The following PTPRD variants were observed in gnomAD, a reference collection of about 807,000 sequenced individuals.
The protein encoded by PTPRD is protein tyrosine phosphatase receptor type D, also known as receptor-type tyrosine-protein phosphatase delta.
In PTPRD, 34 loss-of-function variants were observed where a neutral mutation model predicts 214.5. The ratio of observed to expected loss-of-function variants is 0.16; its 90% CI spans 0.12 to 0.21. The LOEUF (loss-of-function observed/expected upper bound fraction) is 0.21, where lower values mean the gene tolerates loss of function less well. Among genes scored for constraint, PTPRD ranks in the 10% least tolerant of loss-of-function variants. The pLI is 1.00. For missense variants in PTPRD, 2,545 were observed against 2,398.7 expected, an observed-to-expected ratio of 1.06 and a Z score of -1.27; for synonymous variants, 1,128 against 845.7, an observed-to-expected ratio of 1.33 and a Z score of -5.79.
At chr9:9,972,241 G>C (rs6477431) in intron 4 of PTPRD, among the ~76,000 whole-genome samples, 1 of 151,848 alleles carries the variant, frequency 6.6e-6, no homozygotes, top group South Asian at 2.1e-4. Flanking sequence ...ACATTAAATA[G>C]CAAACATACA....
At chr9:9,620,867 A>G (rs79379347) in intron 7 of PTPRD, among the ~76,000 whole-genome samples, 3 of 42,804 alleles carry the variant, frequency 7.0e-5, no homozygotes, top group African/African-American at 2.8e-4. Flanking sequence ...AAGAGAGGAG[A>G]AAAAAAAAAA....
chr9:8,776,094 C>T (rs1419601511), intron 11 of PTPRD, among the ~76,000 whole-genome samples: 1 of 152,088 alleles, frequency 6.6e-6, no homozygotes, highest in East Asian at 1.9e-4. Flanking sequence ...CAAATGTTCC[C>T]AGAGACTATC....
chr9:10,374,312 TATTTG>T (rs1186404388), intron 2 of PTPRD, among the ~76,000 whole-genome samples: 1 of 152,086 alleles, frequency 6.6e-6, no homozygotes, highest in African/African-American at 2.4e-5. Flanking sequence ...ATTATAATTG[TATTTG>T]ATTTAAGTGA....
intron 5 of PTPRD, among the ~76,000 whole-genome samples, chr9:9,790,521 T>TA (rs1341671045): frequency 6.6e-6 from 1 of 152,240 alleles, no homozygotes; most frequent in African/African-American, 2.4e-5. Context: ...AAATGTTTTG[T>TA]AAGTTATTCT....
At chr9:9,743,476 C>A (rs556283193) in intron 6 of PTPRD, among the ~76,000 whole-genome samples, 14 of 152,146 alleles carry the variant, frequency 9.2e-5, no homozygotes, top group African/African-American at 3.4e-4. Context: ...CCTAGGTCAG[C>A]GCTTGTACTC....
At chr9:9,490,064 T>C (rs997252288) in intron 8 of PTPRD, among the ~76,000 whole-genome samples, 1 of 152,112 alleles carries the variant, frequency 6.6e-6, no homozygotes, top group Admixed American at 6.6e-5. Context: ...TGCAAATTTC[T>C]TATCAAAAAC....
chr9:9,623,549 G>A (rs558361364), intron 7 of PTPRD, among the ~76,000 whole-genome samples: 74 of 152,180 alleles, frequency 4.9e-4, no homozygotes, highest in African/African-American at 1.8e-3. Context: ...CCCCTTTCTA[G>A]TAACACCTTT....
chr9:8,359,123 CA>C (rs1313543699), intron 39 of PTPRD, among the ~76,000 whole-genome samples: 3 of 14,266 alleles, frequency 2.1e-4, no homozygotes, highest in South Asian at 2.7e-3. Context: ...AAAAAAAAAA[CA>C]AAAAAAAAAA....
chr9:9,529,061 T>C (rs1590828793), intron 8 of PTPRD, among the ~76,000 whole-genome samples: 1 of 150,976 alleles, frequency 6.6e-6, no homozygotes, highest in East Asian at 2.0e-4. Flanking sequence ...GCCTCCAGAG[T>C]ATCTGGGATT....
chr9:9,672,683 T>G (rs2096853944), intron 7 of PTPRD, among the ~76,000 whole-genome samples: 1 of 152,064 alleles, frequency 6.6e-6, no homozygotes, highest in Non-Finnish European at 1.5e-5. Flanking sequence ...CAATTTATTC[T>G]CTACAGAAAT....
At chr9:10,173,514 C>G (rs1427718305) in intron 3 of PTPRD, among the ~76,000 whole-genome samples, 2 of 152,024 alleles carry the variant, frequency 1.3e-5, no homozygotes, top group Non-Finnish European at 2.9e-5. Context: ...GATAATGTCC[C>G]CAAATTTCCA....
At chr9:9,635,095 G>C (rs2095715778) in intron 7 of PTPRD, among the ~76,000 whole-genome samples, 1 of 152,296 alleles carries the variant, frequency 6.6e-6, no homozygotes, top group South Asian at 2.1e-4. Flanking sequence ...TAGACCATTA[G>C]AGATACAGTG....
At chr9:9,710,975 C>CGTGTGTGT (rs35078738) in intron 7 of PTPRD, among the ~76,000 whole-genome samples, 5 of 149,390 alleles carry the variant, frequency 3.3e-5, no homozygotes, top group African/African-American at 1.2e-4. Context: ...CGAGAGAGAG[C>CGTGTGTGT]GTGTGTGTGT....
intron 9 of PTPRD, among the ~76,000 whole-genome samples, chr9:9,263,881 A>G (rs983086048): frequency 4.0e-5 from 6 of 151,716 alleles, no homozygotes; most frequent in Middle Eastern, 3.4e-3. Context: ...CAATATACCC[A>G]TGTAACAAAC....
intron 11 of PTPRD, among the ~76,000 whole-genome samples, chr9:8,937,049 G>A (rs368393043): frequency 7.4e-5 from 11 of 149,638 alleles, no homozygotes; most frequent in South Asian, 2.2e-4. Context: ...TTCTGATGGC[G>A]TGTGTTCCTT....
At chr9:10,079,035 T>G (rs988651757) in intron 3 of PTPRD, among the ~76,000 whole-genome samples, 1 of 152,132 alleles carries the variant, frequency 6.6e-6, no homozygotes, top group African/African-American at 2.4e-5. Context: ...AACAATTATG[T>G]GCACATAACT....
At chr9:8,694,236 T>C (rs2154384531) in intron 12 of PTPRD, among the ~76,000 whole-genome samples, 1 of 152,226 alleles carries the variant, frequency 6.6e-6, no homozygotes, top group East Asian at 1.9e-4. Flanking sequence ...TTCTTTTGCC[T>C]CAAGAAGGAA....
chr9:8,634,734 A>G (rs1024082858), intron 13 of PTPRD, among the ~76,000 whole-genome samples: 1 of 151,984 alleles, frequency 6.6e-6, no homozygotes, highest in African/African-American at 2.4e-5. Flanking sequence ...TCATTTTATG[A>G]TTTAGGTAGG....
intron 4 of PTPRD, among the ~76,000 whole-genome samples, chr9:9,944,928 G>A (rs1233367845): frequency 6.6e-6 from 1 of 151,846 alleles, no homozygotes; most frequent in African/African-American, 2.4e-5. Context: ...ATGAGAAGCA[G>A]AAAAACAACA....
Sources: gnomAD v4.1 joint callset for allele counts (sites outside exome capture counted in the v4.1 genomes callset) on GRCh38, gnomAD v4.1.1 for gene constraint, MANE v1.5 for transcripts, NCBI Gene and HGNC (gene_info 2026-07-23, HGNC 2026-07-21) for gene names.